The following APPL2 variants were observed in gnomAD, a reference collection of about 807,000 sequenced individuals.
The protein encoded by APPL2 is DCC-interacting protein 13-beta.
APPL2 carries 84 observed loss-of-function variants against 92.7 expected under a neutral mutation model. The ratio of observed to expected loss-of-function variants is 0.91; its 90% CI spans 0.76 to 1.09. The LOEUF (loss-of-function observed/expected upper bound fraction) is 1.09. Among genes scored for constraint, APPL2 ranks in the 50% least tolerant of loss-of-function variants. APPL2 has a pLI of 0.00. For missense variants in APPL2, 736 were observed against 824.5 expected, an observed-to-expected ratio of 0.89 and a Z score of 1.31; for synonymous variants, 291 against 291.0, an observed-to-expected ratio of 1.00 and a Z score of 0.00.
At chr12:105,196,378 G>C (rs1887643502) in intron 11 of APPL2, among the ~76,000 whole-genome samples, 1 of 150,504 alleles carries the variant, frequency 6.6e-6, no homozygotes, top group Non-Finnish European at 1.5e-5. Flanking sequence ...GGAGGCCCGG[G>C]AATAAGGTAA....
At chr12:105,193,806 C>G in intron 14 of APPL2, among the ~76,000 whole-genome samples, 1 of 152,208 alleles carries the variant, frequency 6.6e-6, no homozygotes, top group East Asian at 1.9e-4. Flanking sequence ...GCACTCTCCC[C>G]TTCTTCCCAC....
At chr12:105,216,278 C>T (rs906821442) in intron 4 of APPL2, among the ~76,000 whole-genome samples, 2 of 152,000 alleles carry the variant, frequency 1.3e-5, no homozygotes, top group African/African-American at 4.8e-5. Context: ...CTTTGGGAGG[C>T]TTAGACAGGA....
chr12:105,210,720 C>A (rs1889141163), intron 5 of APPL2, among the ~76,000 whole-genome samples: 1 of 152,172 alleles, frequency 6.6e-6, no homozygotes, highest in Non-Finnish European at 1.5e-5. Context: ...AGAGCAGTCC[C>A]CATCCATCGT....
chr12:105,177,856 TC>T (rs1231312314), intron 17 of APPL2, among the ~76,000 whole-genome samples: 2 of 152,200 alleles, frequency 1.3e-5, no homozygotes, highest in African/African-American at 4.8e-5. Flanking sequence ...AGCAGCCCAG[TC>T]TTGGCTCACT....
chr12:105,218,499 G>A (rs559455816), intron 2 of APPL2, among the ~76,000 whole-genome samples: 2 of 152,348 alleles, frequency 1.3e-5, no homozygotes, highest in Non-Finnish European at 2.9e-5. Context: ...CCAGGGAACA[G>A]ATGTTCTGAA....
chr12:105,227,770 C>A (rs1257643414), intron 2 of APPL2, among the ~76,000 whole-genome samples: 1 of 152,202 alleles, frequency 6.6e-6, no homozygotes, highest in Non-Finnish European at 1.5e-5. Flanking sequence ...ACAAGTTTCT[C>A]ACCATCAGAA....
intron 4 of APPL2, among the ~76,000 whole-genome samples, chr12:105,212,692 C>G (rs1351577291): frequency 6.6e-6 from 1 of 152,222 alleles, no homozygotes; most frequent in Non-Finnish European, 1.5e-5. Flanking sequence ...GGGGAAATCA[C>G]CCAGCAATCA....
rs547316361 is a variant in APPL2, at chr12:105,196,741, G to A, written c.1052+1024C>T. Among the ~76,000 whole-genome samples the A allele has an allele frequency of 4.6e-5, 7 of 152,050 alleles. No homozygotes were observed. The South Asian group carries it at 1.2e-3, about 27-fold the overall frequency. On this transcript the variant is annotated intron_variant, in intron 11 of 20. Transcript: ENST00000258530. ...TAGGCGTGAGCCACTGTACCCAGCCGAGGCTTTAACTTTTTAAAGAGACCC... is the reference window on the plus strand; with the variant it reads ...TAGGCGTGAGCCACTGTACCCAGCCAAGGCTTTAACTTTTTAAAGAGACCC...
intron 19 of APPL2, 34 bp downstream of exon 19, chr12:105,176,842 G>A: frequency 6.2e-7 from 1 of 1,606,888 alleles, no homozygotes; most frequent in South Asian, 1.1e-5. Flanking sequence ...TGTTTGGACT[G>A]GGATATTATG....
At chr12:105,190,615 C>G (rs1887113227) in intron 14 of APPL2, among the ~76,000 whole-genome samples, 1 of 152,188 alleles carries the variant, frequency 6.6e-6, no homozygotes, top group African/African-American at 2.4e-5. Context: ...CCACACATAC[C>G]ACATGCTTTT....
rs190242771 is a variant in APPL2, at chr12:105,176,746, T to C, written c.1812+130A>G. On this transcript the variant is annotated intron_variant, in intron 19 of 20. Coordinates refer to ENST00000258530, the MANE Select transcript of APPL2 (RefSeq NM_018171.5). Reference sequence around the variant, plus strand: ...TTCAGTGAGGCCTTCTTAGGAGGTATTATCTGAACTCCTGGATGGAGACAT... The same window carrying C: ...TTCAGTGAGGCCTTCTTAGGAGGTACTATCTGAACTCCTGGATGGAGACAT... 1.0e-3 allele frequency: 1,252 copies of C among 1,195,096 alleles called. 3 individuals carry two copies. Among genetic ancestry groups the C allele is most frequent in the Non-Finnish European group, 1.4e-3 (1,162 of 852,720 alleles). 74.0% of individuals were successfully genotyped at this position (1,195,096 alleles called of 1,614,324 possible).
At chr12:105,225,152 T>C (rs1451800984) in intron 2 of APPL2, among the ~76,000 whole-genome samples, 1 of 143,122 alleles carries the variant, frequency 7.0e-6, no homozygotes, top group Non-Finnish European at 1.5e-5. Context: ...CCAAATTTAC[T>C]TAAAAAAAAA....
chr12:105,212,376 T>C (rs1006828101), intron 4 of APPL2, among the ~76,000 whole-genome samples: 1 of 152,200 alleles, frequency 6.6e-6, no homozygotes, highest in African/African-American at 2.4e-5. Flanking sequence ...CATGCCAGCT[T>C]TATACGCTCA....
intron 4 of APPL2, among the ~76,000 whole-genome samples, chr12:105,215,725 G>C (rs115638499): frequency 0.018 from 2,774 of 152,144 alleles, 35 homozygotes; most frequent in Middle Eastern, 0.044. Context: ...ATGATTTTTT[G>C]AGTATTCAAA....
chr12:105,181,799 G>A (rs1267492981), intron 17 of APPL2, among the ~76,000 whole-genome samples: 1 of 152,158 alleles, frequency 6.6e-6, no homozygotes, highest in South Asian at 2.1e-4. Flanking sequence ...TCTGGGATCA[G>A]TGGTGATAAT....
intron 12 of APPL2, 32 bp downstream of exon 12, chr12:105,195,553 T>G (rs369944344): frequency 4.3e-6 from 7 of 1,614,238 alleles, no homozygotes; most frequent in Non-Finnish European, 5.1e-6. Flanking sequence ...CCCACCACGT[T>G]AGGAAAGAAA....
chr12:105,191,535 G>C lies in APPL2; in HGVS notation c.1242-1380C>G, dbSNP rs577389115. Among the ~76,000 whole-genome samples, 8 of 152,258 alleles carry C rather than the reference G, an allele frequency of 5.3e-5. No individual in the cohort carries two copies. In the South Asian group the frequency reaches 1.7e-3, roughly 32 times the overall value. Reference sequence around the variant, plus strand: ...CCCAGAGAGTCAAAGGGGGGAGATAGATAACAATCAAGATAGGGTGAGGCC... The same window carrying C: ...CCCAGAGAGTCAAAGGGGGGAGATACATAACAATCAAGATAGGGTGAGGCC... On this transcript the variant is annotated intron_variant, in intron 14 of 20. Transcript: ENST00000258530.
intron 20 of APPL2, 71 bp from the exon 21 acceptor site, chr12:105,174,519 T>C: frequency 6.6e-7 from 1 of 1,504,134 alleles, no homozygotes; most frequent in Non-Finnish European, 8.9e-7. Flanking sequence ...TTGGCCTGGC[T>C]TTCAATATGT....
Position 105,195,316 on chromosome 12 carries a change from G to A in APPL2, c.1186C>T (p.Gln396Ter). ...AAACTTGTAATGGGAGTCACTGCTT[G>A]CAGAGCGGTCTGATTCAACTTGATC... Reference protein sequence around the residue: ...VAIKLNQTALQAVTPITSFGK... With the variant: ...VAIKLNQTAL The change falls in exon 14 of 21, where the codon CAA becomes TAA. Residue 396 changes from glutamine to a stop codon, truncating the protein, a stop_gained. Coordinates refer to ENST00000258530, the MANE Select transcript of APPL2 (RefSeq NM_018171.5). LOFTEE classifies it high-confidence loss of function. The A allele has an allele frequency of 6.2e-7, 1 of 1,614,184 alleles. No homozygotes were observed. The highest frequency in any genetic ancestry group is 8.5e-7 in the Non-Finnish European group (1 of 1,180,040).
Sources: gnomAD v4.1 joint callset for allele counts (sites outside exome capture counted in the v4.1 genomes callset) on GRCh38, gnomAD v4.1.1 for gene constraint, MANE v1.5 for transcripts, NCBI Gene and HGNC (gene_info 2026-07-23, HGNC 2026-07-21) for gene names.